Variants in DPY19L2 observed in about 807,000 individuals in gnomAD.
DPY19L2 encodes dpy-19 like 2, also known as probable C-mannosyltransferase DPY19L2.
DPY19L2 carries 34 observed loss-of-function variants against 97.9 expected under a neutral mutation model. The ratio of observed to expected loss-of-function variants is 0.35; its 90% CI spans 0.26 to 0.46. The LOEUF is 0.46. DPY19L2 is among the 20% of genes least tolerant of loss of function. DPY19L2 has a pLI of 1.00. For missense variants in DPY19L2, 623 were observed against 911.4 expected (o/e 0.68, Z 4.07); for synonymous variants, 230 against 307.9 (o/e 0.75, Z 2.65).
At chr12:63,613,845 C>T (rs1445162876) in intron 11 of DPY19L2, among the ~76,000 whole-genome samples, 1 of 151,952 alleles carries the variant, frequency 6.6e-6, no homozygotes, top group Non-Finnish European at 1.5e-5. Flanking sequence ...ACTTGTATAA[C>T]TTTTAATAGC....
chr12:63,635,557 G>T (rs1891512316), intron 6 of DPY19L2, among the ~76,000 whole-genome samples: 1 of 152,050 alleles, frequency 6.6e-6, no homozygotes, highest in South Asian at 2.1e-4. Flanking sequence ...CAGATGAATG[G>T]CTAAGTAGAA....
intron 5 of DPY19L2, among the ~76,000 whole-genome samples, chr12:63,646,529 T>C (rs1163978037): frequency 5.3e-5 from 8 of 152,130 alleles, no homozygotes; most frequent in African/African-American, 1.9e-4. Flanking sequence ...TCATAAAATA[T>C]AGTAAGTCAT....
At chr12:63,629,377 G>A (rs1480813146) in intron 6 of DPY19L2, among the ~76,000 whole-genome samples, 7 of 151,660 alleles carry the variant, frequency 4.6e-5, no homozygotes, top group South Asian at 2.1e-4. Context: ...TTAAAGGACC[G>A]GATGCAGCTG....
At chr12:63,616,581 A>G (rs1000918269) in intron 11 of DPY19L2, among the ~76,000 whole-genome samples, 8 of 152,274 alleles carry the variant, frequency 5.3e-5, no homozygotes, top group African/African-American at 1.7e-4. Context: ...GCTTATAGAT[A>G]TCAGAAGTAT....
intron 12 of DPY19L2, among the ~76,000 whole-genome samples, chr12:63,602,874 A>T (rs533880101): frequency 1.1e-4 from 17 of 152,322 alleles, no homozygotes; most frequent in African/African-American, 4.1e-4. Flanking sequence ...TAACTTTCCT[A>T]AATTCAAAAA....
At chr12:63,667,630 A>G (rs909314726) in intron 1 of DPY19L2, among the ~76,000 whole-genome samples, 18 of 152,180 alleles carry the variant, frequency 1.2e-4, no homozygotes, top group African/African-American at 4.3e-4. Context: ...CCATATAGTA[A>G]TCCTCACTTT....
chr12:63,594,566 T>C (rs536317342), intron 15 of DPY19L2, among the ~76,000 whole-genome samples: 1 of 140,762 alleles, frequency 7.1e-6, no homozygotes. Flanking sequence ...CCTGGCTAGC[T>C]GTAGGGATGT....
At chr12:63,604,836 G>A (rs113602529) in intron 12 of DPY19L2, among the ~76,000 whole-genome samples, 1,876 of 152,092 alleles carry the variant, frequency 0.012, 42 homozygotes, top group African/African-American at 0.042. Flanking sequence ...TCATCTCAGT[G>A]TTGACATCTG....
At chr12:63,617,479 A>G in intron 10 of DPY19L2, 89 bp from the exon 11 acceptor site, 1 of 774,628 alleles carries the variant, frequency 1.3e-6, no homozygotes, top group South Asian at 1.8e-5. Flanking sequence ...TTCTAATGCA[A>G]ATTTATTTGC....
intron 16 of DPY19L2, 130 bp from the exon 17 acceptor site, chr12:63,583,966 A>G (rs1307889044): frequency 1.6e-5 from 10 of 624,062 alleles, no homozygotes; most frequent in African/African-American, 3.7e-5. Context: ...ACGAAAATAC[A>G]TAAAAATAAA....
In DPY19L2 at chr12:63,598,332, G is replaced by A. The variant is rs369845756; in HGVS notation, c.1360-422C>T. Among the ~76,000 whole-genome samples the A allele has an allele frequency of 1.2e-4, 19 of 152,010 alleles. 1 individual carries two copies. The highest frequency in any genetic ancestry group is 4.6e-4 in the African/African-American group (19 of 41,392). Reference sequence around the variant, plus strand: ...TGCACTGTCATTTTCACAAAGCCTCGCAGACTGATTACAATATTTGGTACT... The same window carrying A: ...TGCACTGTCATTTTCACAAAGCCTCACAGACTGATTACAATATTTGGTACT... On this transcript the variant is annotated intron_variant, in intron 13 of 21. Coordinates refer to ENST00000324472, the MANE Select transcript of DPY19L2 (RefSeq NM_173812.5).
intron 4 of DPY19L2, among the ~76,000 whole-genome samples, chr12:63,649,831 A>G (rs1893943328): frequency 1.3e-5 from 2 of 152,198 alleles, no homozygotes; most frequent in Admixed American, 1.3e-4. Context: ...TAAGGCTAAC[A>G]TCATTCTGAT....
intron 2 of DPY19L2, among the ~76,000 whole-genome samples, chr12:63,664,740 T>C (rs1210596473): frequency 1.3e-5 from 2 of 152,210 alleles, no homozygotes; most frequent in Admixed American, 6.5e-5. Flanking sequence ...CTAAGTTATG[T>C]AGTCAGACTT....
Position 63,668,220 on chromosome 12 carries a change from C to G in DPY19L2, c.174G>C (p.Arg58Ser), listed in dbSNP as rs760826752. 8.7e-6 allele frequency: 14 copies of G among 1,613,768 alleles called. No individual in the cohort carries two copies. Among genetic ancestry groups the G allele is most frequent in the Non-Finnish European group, 1.1e-5 (13 of 1,179,920 alleles). ...PRGSWRSSPGRIQSLKERKGL... is the reference protein window; with the variant it reads ...PRGSWRSSPGSIQSLKERKGL... ...CTTTTCGCTCTTTCAGACTTTGGAT[C>G]CTCCCCGGGGAGGACCTCCAGGAGC... Residue 58 changes from arginine to serine, a missense_variant, in exon 1 of 22, where the codon AGG becomes AGC. This residue lies in a region of DPY19L2 where 144 missense variants were observed against 119.4 expected (regional missense o/e 1.21). Transcript: ENST00000324472.
Position 63,596,045 on chromosome 12 carries a change from A to G in DPY19L2, c.1462-8T>C. Reference sequence around the variant, plus strand: ...TGTGTATCTCAGCGGAGTCTGAAATATACCAAATTATTCAAAATGGTTACT... The same window carrying G: ...TGTGTATCTCAGCGGAGTCTGAAATGTACCAAATTATTCAAAATGGTTACT... On this transcript the variant is annotated splice_region_variant and splice_polypyrimidine_tract_variant and intron_variant, in intron 14 of 21. Transcript: ENST00000324472. 2 of 1,592,684 alleles carry G rather than the reference A, an allele frequency of 1.3e-6. No homozygotes were observed. The highest frequency in any genetic ancestry group is 1.7e-6 in the Non-Finnish European group (2 of 1,170,382).
chr12:63,663,976 T>C, intron 2 of DPY19L2, 131 bp from the exon 3 acceptor site: 1 of 643,252 alleles, frequency 1.6e-6, no homozygotes, highest in Non-Finnish European at 2.6e-6. Context: ...CTTACTAACT[T>C]GTATGTTTTT....
intron 4 of DPY19L2, among the ~76,000 whole-genome samples, chr12:63,658,916 A>T (rs1377131998): frequency 1.3e-5 from 2 of 152,190 alleles, no homozygotes; most frequent in African/African-American, 2.4e-5. Context: ...AAATGAAGGA[A>T]GGAGGGATTA....
chr12:63,658,427 G>A (rs1029092349), intron 4 of DPY19L2, among the ~76,000 whole-genome samples: 1 of 152,160 alleles, frequency 6.6e-6, no homozygotes, highest in Non-Finnish European at 1.5e-5. Flanking sequence ...CCAGGAGGCA[G>A]AGGCTACAGG....
chr12:63,632,186 T>A (rs1189855791), intron 6 of DPY19L2, among the ~76,000 whole-genome samples: 1 of 152,112 alleles, frequency 6.6e-6, no homozygotes, highest in African/African-American at 2.4e-5. Context: ...ACCACTCCTA[T>A]ACAACATATT....
Sources: allele counts gnomAD v4.1 joint callset (sites outside exome capture counted in the v4.1 genomes callset), GRCh38; gene constraint gnomAD v4.1.1; regional missense constraint gnomAD v4.1.1; transcripts MANE v1.5; gene names NCBI Gene and HGNC (gene_info 2026-07-23, HGNC 2026-07-21).